The following LIMCH1 variants were observed in gnomAD, a reference collection of about 807,000 sequenced individuals.
LIMCH1 encodes the protein LIM and calponin homology domains 1.
LIMCH1 carries 113 observed loss-of-function variants against 176.5 expected under a neutral mutation model. The ratio of observed to expected loss-of-function variants is 0.64; its 90% CI spans 0.55 to 0.75. The LOEUF (loss-of-function observed/expected upper bound fraction) is 0.75. LIMCH1 is among the 30% of genes least tolerant of loss of function. The pLI is 0.00. For synonymous variants in LIMCH1, 619 were observed against 645.9 expected (o/e 0.96, Z 0.63); for missense variants, 1,674 against 1,814.9 (o/e 0.92, Z 1.41).
chr4:41,529,429 G>A (rs1440881654), intron 3 of LIMCH1, among the ~76,000 whole-genome samples: 2 of 152,218 alleles, frequency 1.3e-5, no homozygotes, highest in African/African-American at 4.8e-5. Flanking sequence ...GAGTTGTCAT[G>A]AAATACTGTT....
chr4:41,374,429 C>T (rs1226146204), intron 1 of LIMCH1, among the ~76,000 whole-genome samples: 1 of 152,080 alleles, frequency 6.6e-6, no homozygotes, highest in East Asian at 1.9e-4. Context: ...GCCTGATGAA[C>T]CCTGGTATTG....
At chr4:41,650,713 T>C in intron 18 of LIMCH1, 105 bp downstream of exon 18, 1 of 997,244 alleles carries the variant, frequency 1.0e-6, no homozygotes, top group East Asian at 2.6e-5. Context: ...CTTTCTATGT[T>C]GGCGTATTAG....
rs764811556 is a variant in LIMCH1 at position 41,650,525 on chromosome 4, G to A, written c.2953G>A (p.Gly985Arg). The change falls in exon 18 of 32, where the codon GGG becomes AGG. Residue 985 changes from glycine (G) to arginine (R), a missense_variant. By Grantham distance (125) the Gly-to-Arg change is moderately radical (BLOSUM62 -2). Around this residue, in one of 3 missense-constraint regions of LIMCH1, gnomAD observed 1,015 missense variants for 1,102.5 expected, o/e 0.92. Coordinates refer to ENST00000503057, the MANE Select transcript of LIMCH1 (RefSeq NM_001330672.2). Reference protein sequence around the residue: ...QMFEGVARVHGSPLELKQDNG... With the variant: ...QMFEGVARVHRSPLELKQDNG... ...GTTTGAAGGTGTGGCCAGAGTGCAC[G>A]GGTCTCCACTGGAGCTGAAACAAGA... The A allele has an allele frequency of 6.2e-6, 10 of 1,613,914 alleles. No homozygotes were observed. In the East Asian group the frequency reaches 8.9e-5, roughly 14 times the overall value.
intron 13 of LIMCH1, among the ~76,000 whole-genome samples, chr4:41,638,626 G>T (rs2093694119): frequency 6.6e-6 from 1 of 152,132 alleles, no homozygotes; most frequent in South Asian, 2.1e-4. Flanking sequence ...AAACGCTGTG[G>T]ATTGCACCTA....
At chr4:41,419,017 C>T (rs564544933) in intron 1 of LIMCH1, among the ~76,000 whole-genome samples, 1 of 152,248 alleles carries the variant, frequency 6.6e-6, no homozygotes, top group South Asian at 2.1e-4. Context: ...TGTTAAAATT[C>T]TTTCAGAAAG....
At chr4:41,651,592 T>C (rs1264635300) in intron 18 of LIMCH1, among the ~76,000 whole-genome samples, 3 of 152,124 alleles carry the variant, frequency 2.0e-5, no homozygotes, top group Admixed American at 1.3e-4. Flanking sequence ...AAATACCTTT[T>C]CCCCCCCTGT....
intron 26 of LIMCH1, 22 bp from the exon 27 acceptor site, chr4:41,684,375 G>A: frequency 6.2e-7 from 1 of 1,612,376 alleles, no homozygotes; most frequent in Non-Finnish European, 8.5e-7. Context: ...CTGCTCTGAA[G>A]TATACCTCTT....
intron 18 of LIMCH1, among the ~76,000 whole-genome samples, chr4:41,656,087 T>G (rs554300587): frequency 2.0e-5 from 3 of 152,228 alleles, no homozygotes; most frequent in Non-Finnish European, 2.9e-5. Flanking sequence ...GTATCTAAAC[T>G]ACTTCATCTG....
At chr4:41,695,186 G>T (rs1263007869) in intron 31 of LIMCH1, among the ~76,000 whole-genome samples, 1 of 151,428 alleles carries the variant, frequency 6.6e-6, no homozygotes, top group African/African-American at 2.4e-5. Context: ...TCATACAAAA[G>T]ATTTTCATTT....
chr4:41,608,188 G>T (rs978393760), intron 4 of LIMCH1, among the ~76,000 whole-genome samples: 1 of 152,186 alleles, frequency 6.6e-6, no homozygotes, highest in Non-Finnish European at 1.5e-5. Flanking sequence ...ATCCAAGATG[G>T]CTGTTCAGGC....
chr4:41,644,473 T>G, intron 14 of LIMCH1, 27 bp from the exon 15 acceptor site: 1 of 1,497,184 alleles, frequency 6.7e-7, no homozygotes. Flanking sequence ...TCGCGGTCCC[T>G]CTTGTGTTCG....
chr4:41,572,002 C>T (rs2083635310), intron 1 of LIMCH1, among the ~76,000 whole-genome samples: 1 of 152,082 alleles, frequency 6.6e-6, no homozygotes, highest in South Asian at 2.1e-4. Flanking sequence ...CCAATGATTT[C>T]TACCTAAGCG....
intron 20 of LIMCH1, among the ~76,000 whole-genome samples, chr4:41,665,566 T>C (rs536687426): frequency 6.6e-6 from 1 of 152,298 alleles, no homozygotes; most frequent in African/African-American, 2.4e-5. Flanking sequence ...CAGCATATGA[T>C]GAAACAAGTG....
At chr4:41,635,995 C>T (rs571734722) in intron 13 of LIMCH1, among the ~76,000 whole-genome samples, 2 of 152,278 alleles carry the variant, frequency 1.3e-5, no homozygotes, top group South Asian at 4.1e-4. Context: ...CAGCATATCC[C>T]TTCCAGACTT....
chr4:41,538,616 A>G (rs1274500593), intron 1 of LIMCH1, among the ~76,000 whole-genome samples: 1 of 151,248 alleles, frequency 6.6e-6, no homozygotes, highest in Admixed American at 6.6e-5. Flanking sequence ...TATGTGGTAC[A>G]AGACACATAA....
intron 28 of LIMCH1, 57 bp from the exon 29 acceptor site, chr4:41,687,783 A>G (rs1463310689): frequency 1.9e-6 from 2 of 1,049,858 alleles, no homozygotes; most frequent in Non-Finnish European, 2.9e-6. Flanking sequence ...TCTTTTTTTA[A>G]TGGAGTTTGG....
At chr4:41,430,362 C>G (rs934520406) in intron 1 of LIMCH1, among the ~76,000 whole-genome samples, 3 of 152,188 alleles carry the variant, frequency 2.0e-5, no homozygotes, top group African/African-American at 7.2e-5. Context: ...TCCAGAGGTT[C>G]AAGCGATTCT....
chr4:41,426,470 A>T (rs949030727), intron 1 of LIMCH1, among the ~76,000 whole-genome samples: 1 of 152,236 alleles, frequency 6.6e-6, no homozygotes, highest in South Asian at 2.1e-4. Context: ...TAAATTTAGG[A>T]ATCATGACTT....
At chr4:41,503,007 A>G (rs752314570) in intron 2 of LIMCH1, among the ~76,000 whole-genome samples, 13,180 of 149,802 alleles carry the variant, frequency 0.088, 941 homozygotes, top group African/African-American at 0.19. Context: ...CTGTCCATCC[A>G]TCCATCCATC....
Sources: gnomAD v4.1 joint callset for allele counts (sites outside exome capture counted in the v4.1 genomes callset) on GRCh38, gnomAD v4.1.1 for gene constraint, gnomAD v4.1.1 regional missense constraint, MANE v1.5 for transcripts, NCBI Gene and HGNC (gene_info 2026-07-23, HGNC 2026-07-21) for gene names.